CSTF3: variants seen among roughly 807,000 people sequenced by gnomAD.
CSTF3 encodes cleavage stimulation factor subunit 3, also known as CF-1 77 kDa subunit.
Under a neutral mutation model 105.8 loss-of-function variants are expected in CSTF3, and 29 were observed. The ratio of observed to expected loss-of-function variants is 0.27; its 90% CI spans 0.20 to 0.37. The LOEUF (loss-of-function observed/expected upper bound fraction) is 0.37. Ranked by LOEUF, CSTF3 falls within the 10% of genes least tolerant of loss-of-function variation. CSTF3 has a pLI of 1.00. For missense variants in CSTF3, 357 were observed against 879.3 expected, an observed-to-expected ratio of 0.41 and a Z score of 7.51; for synonymous variants, 252 against 281.9, an observed-to-expected ratio of 0.89 and a Z score of 1.06.
intron 16 of CSTF3, 86 bp from the exon 17 acceptor site, chr11:33,090,813 C>G (rs1423838293): frequency 1.3e-6 from 1 of 785,798 alleles, no homozygotes; most frequent in East Asian, 2.8e-5. Flanking sequence ...TAAGCTCTCT[C>G]TTTTTCCCTT....
At chr11:33,098,616 T>C (rs1195052460) in intron 13 of CSTF3, 74 bp downstream of exon 13, 2 of 870,796 alleles carry the variant, frequency 2.3e-6, no homozygotes, top group East Asian at 5.2e-5. Flanking sequence ...TGAATTTTAT[T>C]GTATATAAAT....
At chr11:33,157,249 A>G (rs1033821585) in intron 1 of CSTF3, among the ~76,000 whole-genome samples, 16 of 151,804 alleles carry the variant, frequency 1.1e-4, no homozygotes, top group African/African-American at 3.6e-4. Flanking sequence ...CAGCTACTCA[A>G]GAGGCTGAGG....
chr11:33,143,070 AAT>A (rs1855733709), intron 1 of CSTF3, among the ~76,000 whole-genome samples: 1 of 152,244 alleles, frequency 6.6e-6, no homozygotes, highest in Admixed American at 6.5e-5. Flanking sequence ...CCACAAAGAA[AAT>A]GCATGAAATG....
chr11:33,095,185 C>T (rs925500870), intron 15 of CSTF3, among the ~76,000 whole-genome samples: 5 of 152,172 alleles, frequency 3.3e-5, no homozygotes, highest in Non-Finnish European at 5.9e-5. Flanking sequence ...CAGGCATAAG[C>T]CACCACGCCC....
intron 8 of CSTF3, among the ~76,000 whole-genome samples, chr11:33,103,783 A>T (rs1855302066): frequency 6.6e-6 from 1 of 152,164 alleles, no homozygotes; most frequent in East Asian, 1.9e-4. Context: ...GAAAAAAAAA[A>T]TATGTACAGA....
chr11:33,086,940 C>A, intron 18 of CSTF3, 48 bp downstream of exon 18: 1 of 1,611,824 alleles, frequency 6.2e-7, no homozygotes, highest in South Asian at 1.1e-5. Flanking sequence ...GGATTTAAAT[C>A]AACAAACAAA....
chr11:33,110,920 C>G (rs1855372668), intron 3 of CSTF3, among the ~76,000 whole-genome samples: 1 of 152,052 alleles, frequency 6.6e-6, no homozygotes, highest in Admixed American at 6.5e-5. Context: ...AATTCCACTC[C>G]TAGGATCTAT....
chr11:33,114,829 C>G (rs915663383), intron 3 of CSTF3, among the ~76,000 whole-genome samples: 3 of 151,524 alleles, frequency 2.0e-5, no homozygotes. Context: ...CCAGCCTGGA[C>G]AAGAGCGAAA....
At chr11:33,096,797 A>G in intron 14 of CSTF3, 38 bp downstream of exon 14, 2 of 1,561,634 alleles carry the variant, frequency 1.3e-6, no homozygotes. Flanking sequence ...CAGATGAAGG[A>G]AGTTGTTTTA....
At chr11:33,126,417 T>C (rs1374031017) in intron 3 of CSTF3, among the ~76,000 whole-genome samples, 2 of 151,734 alleles carry the variant, frequency 1.3e-5, no homozygotes, top group African/African-American at 4.8e-5. Flanking sequence ...GCGACCGCAC[T>C]CCAGCCTGGG....
chr11:33,154,791 G>A (rs1849838812), intron 1 of CSTF3, among the ~76,000 whole-genome samples: 1 of 152,106 alleles, frequency 6.6e-6, no homozygotes, highest in African/African-American at 2.4e-5. Flanking sequence ...GAGCCACGGT[G>A]CCGTGCTGAG....
intron 3 of CSTF3, among the ~76,000 whole-genome samples, chr11:33,137,796 G>T (rs971315944): frequency 6.6e-6 from 1 of 151,702 alleles, no homozygotes; most frequent in Non-Finnish European, 1.5e-5. Context: ...GCTGCAAGCT[G>T]AAGTATAGAA....
chr11:33,096,050 G>C (rs537293739), intron 15 of CSTF3, among the ~76,000 whole-genome samples: 7 of 152,172 alleles, frequency 4.6e-5, no homozygotes, highest in African/African-American at 1.7e-4. Flanking sequence ...TGTGTCTCCT[G>C]ACTCTGACTC....
chr11:33,154,190 T>C (rs961169805), intron 1 of CSTF3, among the ~76,000 whole-genome samples: 11 of 152,208 alleles, frequency 7.2e-5, no homozygotes, highest in African/African-American at 2.4e-4. Context: ...ACTGAACAGT[T>C]AGGTTTGAAA....
intron 3 of CSTF3, 113 bp downstream of exon 3, chr11:33,141,554 T>C: frequency 7.0e-7 from 1 of 1,420,720 alleles, no homozygotes; most frequent in East Asian, 2.6e-5. Context: ...AAAATAAAGG[T>C]AAGACACATT....
chr11:33,160,417 A>G (rs1250415330), intron 1 of CSTF3, among the ~76,000 whole-genome samples: 1 of 152,198 alleles, frequency 6.6e-6, no homozygotes, highest in Non-Finnish European at 1.5e-5. Flanking sequence ...GGGAAATTTC[A>G]GGAAATTGAG....
At position 33,154,487 on chromosome 11, in the gene CSTF3, C is replaced by CTTTTTTTTTTTTTTTTTTTT. The variant is rs1408050209; in HGVS notation, c.27+6811_27+6812insAAAAAAAAAAAAAAAAAAAA. On this transcript the variant is annotated intron_variant, in intron 1 of 20. Transcript: ENST00000323959. ...TAGACCGGAGTAGCACTCCGTAAGA[C>CTTTTTTTTTTTTTTTTTTTT]TTTCTTTTTTTTTTTTTTTTTTTTT... is the stretch of plus-strand genomic sequence containing the variant. 6.5e-5 allele frequency among the ~76,000 whole-genome samples: 2 copies of CTTTTTTTTTTTTTTTTTTTT among 30,636 alleles called. 1 individual carries two copies. The highest frequency in any genetic ancestry group is 1.9e-4 in the Non-Finnish European group (2 of 10,446). 20.1% of individuals were successfully genotyped at this position (30,636 alleles called of 152,430 possible). A position where few individuals can be genotyped will look rare whatever the true frequency, so the allele number is the denominator to read the frequency against.
intron 17 of CSTF3, among the ~76,000 whole-genome samples, chr11:33,088,039 C>A (rs1855125391): frequency 6.6e-6 from 1 of 152,204 alleles, no homozygotes; most frequent in Admixed American, 6.5e-5. Flanking sequence ...TAAAAGCATT[C>A]CACTTTCTCA....
chr11:33,161,019 G>A (rs1849933680), intron 1 of CSTF3, among the ~76,000 whole-genome samples: 1 of 152,112 alleles, frequency 6.6e-6, no homozygotes, highest in African/African-American at 2.4e-5. Context: ...TCAAAGGAAA[G>A]CATCCCATCT....
Sources: gnomAD v4.1 joint callset for allele counts (sites outside exome capture counted in the v4.1 genomes callset) on GRCh38, gnomAD v4.1.1 for gene constraint, MANE v1.5 for transcripts, NCBI Gene and HGNC (gene_info 2026-07-23, HGNC 2026-07-21) for gene names.